The following PTPRR variants were observed in gnomAD, a reference collection of about 807,000 sequenced individuals.
The protein encoded by PTPRR is protein tyrosine phosphatase receptor type R.
PTPRR carries 38 observed loss-of-function variants against 77.2 expected under a neutral mutation model. The ratio of observed to expected loss-of-function variants is 0.49; its 90% CI spans 0.38 to 0.65. The LOEUF (loss-of-function observed/expected upper bound fraction) is 0.65, where lower values mean the gene tolerates loss of function less well. PTPRR is among the 30% of genes least tolerant of loss of function. PTPRR has a pLI of 0.00. For synonymous variants in PTPRR, 299 were observed against 283.1 expected (o/e 1.06, Z -0.57); for missense variants, 744 against 799.2 (o/e 0.93, Z 0.83).
chr12:70,903,996 C>T (rs1269540298), intron 1 of PTPRR, among the ~76,000 whole-genome samples: 1 of 151,532 alleles, frequency 6.6e-6, no homozygotes, highest in Non-Finnish European at 1.5e-5. Context: ...TTCTATTAGC[C>T]AATAGGAAAA....
intron 1 of PTPRR, among the ~76,000 whole-genome samples, chr12:70,894,443 A>G (rs1477948221): frequency 2.6e-5 from 4 of 151,724 alleles, no homozygotes; most frequent in African/African-American, 9.7e-5. Context: ...AGAAAAGTAA[A>G]CCAGGATGAA....
intron 11 of PTPRR, among the ~76,000 whole-genome samples, chr12:70,662,132 C>A (rs1340632422): frequency 6.6e-6 from 1 of 152,024 alleles, no homozygotes; most frequent in Admixed American, 6.5e-5. Context: ...GCTTCCAGGC[C>A]TTACGCAAAG....
At chr12:70,767,194 G>C (rs1318446390) in intron 2 of PTPRR, among the ~76,000 whole-genome samples, 1 of 151,932 alleles carries the variant, frequency 6.6e-6, no homozygotes, top group African/African-American at 2.4e-5. Flanking sequence ...TGGACTAAAT[G>C]CTCCAGTTAA....
At chr12:70,649,764 G>A (rs976029542) in intron 13 of PTPRR, among the ~76,000 whole-genome samples, 1 of 152,016 alleles carries the variant, frequency 6.6e-6, no homozygotes, top group Non-Finnish European at 1.5e-5. Flanking sequence ...TAGTAGAGAT[G>A]GGGTTTCACC....
intron 13 of PTPRR, among the ~76,000 whole-genome samples, chr12:70,643,581 G>C (rs1319038299): frequency 6.6e-6 from 1 of 152,072 alleles, no homozygotes; most frequent in Non-Finnish European, 1.5e-5. Flanking sequence ...TATAAAGCTT[G>C]GTTAACTATG....
chr12:70,884,733 G>A (rs1893207738), intron 2 of PTPRR, among the ~76,000 whole-genome samples: 1 of 148,842 alleles, frequency 6.7e-6, no homozygotes, highest in East Asian at 2.0e-4. Flanking sequence ...TTACCCGGGC[G>A]TAGTGGCGGG....
chr12:70,694,737 A>C (rs1277496273), intron 8 of PTPRR, among the ~76,000 whole-genome samples: 2 of 152,152 alleles, frequency 1.3e-5, no homozygotes, highest in African/African-American at 2.4e-5. Flanking sequence ...CCGTCAGAAG[A>C]AGCCCAAACG....
chr12:70,721,536 A>AT (rs2136848508), intron 6 of PTPRR, among the ~76,000 whole-genome samples: 1 of 152,280 alleles, frequency 6.6e-6, no homozygotes, highest in African/African-American at 2.4e-5. Context: ...ATTTCAACAC[A>AT]TTTTAGGTAT....
At chr12:70,769,964 A>G (rs1446995550) in intron 2 of PTPRR, among the ~76,000 whole-genome samples, 1 of 152,168 alleles carries the variant, frequency 6.6e-6, no homozygotes, top group Admixed American at 6.5e-5. Flanking sequence ...ATATGTAGAA[A>G]GCTGAAACTG....
At chr12:70,673,032 A>C (rs1887300323) in intron 10 of PTPRR, 17 of 247,986 alleles carry the variant, frequency 6.9e-5, no homozygotes, top group South Asian at 1.7e-4. Context: ...GGGCCAAAGC[A>C]AAAAAAAAAA....
chr12:70,775,333 C>T (rs1423659313), intron 2 of PTPRR, among the ~76,000 whole-genome samples: 1 of 152,142 alleles, frequency 6.6e-6, no homozygotes, highest in African/African-American at 2.4e-5. Context: ...TATGACAAGA[C>T]TTTCTTTCTT....
At chr12:70,744,568 A>G (rs1337686065) in intron 6 of PTPRR, among the ~76,000 whole-genome samples, 1 of 152,190 alleles carries the variant, frequency 6.6e-6, no homozygotes, top group Non-Finnish European at 1.5e-5. Flanking sequence ...AATAATTATG[A>G]AGGATCAATT....
At chr12:70,904,582 A>G (rs1463355345) in intron 1 of PTPRR, among the ~76,000 whole-genome samples, 1 of 151,880 alleles carries the variant, frequency 6.6e-6, no homozygotes, top group Admixed American at 6.6e-5. Flanking sequence ...TTTTGTGGTG[A>G]GCGAACTATT....
At chr12:70,744,106 A>G (rs1398271792) in intron 6 of PTPRR, among the ~76,000 whole-genome samples, 1 of 152,180 alleles carries the variant, frequency 6.6e-6, no homozygotes. Context: ...CAAACATAAA[A>G]GCACAAAAAT....
intron 2 of PTPRR, among the ~76,000 whole-genome samples, chr12:70,827,209 A>C (rs1334640613): frequency 6.6e-6 from 1 of 152,230 alleles, no homozygotes; most frequent in Admixed American, 6.5e-5. Flanking sequence ...CCTCACTGGA[A>C]TATAAGTTAC....
At chr12:70,769,190 T>C (rs1406730787) in intron 2 of PTPRR, among the ~76,000 whole-genome samples, 3 of 148,166 alleles carry the variant, frequency 2.0e-5, no homozygotes, top group African/African-American at 7.7e-5. Flanking sequence ...AAATAAAGGG[T>C]ATTCAATTAG....
chr12:70,902,502 T>C (rs73148145), intron 1 of PTPRR, among the ~76,000 whole-genome samples: 18,498 of 151,846 alleles, frequency 0.12, 1,471 homozygotes, highest in Non-Finnish European at 0.18. Flanking sequence ...TATATGTCTC[T>C]ATATATGTAT....
intron 6 of PTPRR, among the ~76,000 whole-genome samples, chr12:70,738,841 A>G (rs149008752): frequency 3.3e-4 from 50 of 152,360 alleles, no homozygotes; most frequent in Non-Finnish European, 5.0e-4. Flanking sequence ...AACTGTCCCA[A>G]GAGCTGTGCA....
At chr12:70,684,668 A>C (rs189206541) in intron 9 of PTPRR, 36 bp downstream of exon 9, 148 of 1,362,928 alleles carry the variant, frequency 1.1e-4, no homozygotes, top group Admixed American at 2.0e-4. Flanking sequence ...TCCAAATAGG[A>C]AGTCACCAGA....
Sources: allele counts gnomAD v4.1 joint callset (sites outside exome capture counted in the v4.1 genomes callset), GRCh38; gene constraint gnomAD v4.1.1; transcripts MANE v1.5; gene names NCBI Gene and HGNC (gene_info 2026-07-23, HGNC 2026-07-21).